The following MN1 variants were observed in gnomAD, a reference collection of about 807,000 sequenced individuals.
The protein encoded by MN1 is MN1 proto-oncogene, transcriptional regulator, also known as transcriptional activator MN1.
MN1 carries 19 observed loss-of-function variants against 86.9 expected under a neutral mutation model. The observed-to-expected ratio is 0.22, with a 90% CI of 0.15 to 0.32. The LOEUF (loss-of-function observed/expected upper bound fraction) is 0.32, where lower values mean the gene tolerates loss of function less well. Ranked by LOEUF, MN1 falls within the 10% of genes least tolerant of loss-of-function variation. MN1 has a pLI of 1.00. For synonymous variants in MN1, 928 were observed against 849.6 expected (o/e 1.09, Z -1.60); for missense variants, 1,841 against 1,862.0 (o/e 0.99, Z 0.21).
Position 27,800,592 on chromosome 22 carries a change from C to T in MN1, c.-49G>A. Reference sequence around the variant, plus strand: ...TCAATAGGGCATGACAGCCGGCTCTCCGCGGCGCGCCTCCGGCCAGCTACT... The same window carrying T: ...TCAATAGGGCATGACAGCCGGCTCTTCGCGGCGCGCCTCCGGCCAGCTACT... On this transcript the variant is annotated 5_prime_UTR_variant, in exon 1 of 2. Transcript: ENST00000302326. 6.2e-7 allele frequency: 1 copy of T among 1,610,368 alleles called. No individual in the cohort carries two copies. The highest frequency in any genetic ancestry group is 1.1e-5 in the South Asian group (1 of 90,934).
chr22:27,798,921 C>CTGT lies in MN1; in HGVS notation c.1620_1622dup (p.Gln550dup). 1 of 1,538,220 alleles carries CTGT rather than the reference C, an allele frequency of 6.5e-7. No homozygotes were observed. Among genetic ancestry groups the CTGT allele is most frequent in the Non-Finnish European group, 8.8e-7 (1 of 1,135,706 alleles). On this transcript the variant is annotated inframe_insertion, in exon 1 of 2. Coordinates refer to ENST00000302326, the MANE Select transcript of MN1 (RefSeq NM_002430.3). ...GCTGCTGCTGCTGCTGTTGCTGTTG[C>CTGT]TGTTGCTGCTGCTGCTGCTGCTGTT...
rs1015032812 is a variant in MN1 at position 27,799,723 on chromosome 22, G to C, written c.821C>G (p.Ser274Trp). The change falls in exon 1 of 2, where the codon TCG becomes TGG. Residue 274 changes from serine to tryptophan, a missense_variant. Physicochemically the swap from Ser to Trp is radical, Grantham distance 177 (BLOSUM62 -3). Coordinates refer to ENST00000302326, the MANE Select transcript of MN1 (RefSeq NM_002430.3). ...CATGCCCGCAGCTCTGGGCATGGCC[G>C]AGGCGCCCGGGAAAGCGCCCCCAGG... ...QVPGGAFPGA[S>W]AMPRAAGMVG... 1 of 1,573,532 alleles carries C rather than the reference G, an allele frequency of 6.4e-7. No individual in the cohort carries two copies. Among genetic ancestry groups the C allele is most frequent in the Non-Finnish European group, 8.6e-7 (1 of 1,160,180 alleles).
At chr22:27,781,011 G>T (rs1489456987) in intron 1 of MN1, among the ~76,000 whole-genome samples, 2 of 152,022 alleles carry the variant, frequency 1.3e-5, no homozygotes, top group Non-Finnish European at 2.9e-5. Flanking sequence ...ACTGACTGCA[G>T]CCTCAACCTC....
chr22:27,801,396 G>A lies in MN1; in HGVS notation c.-853C>T, dbSNP rs1933439364. 1 of 212,708 alleles carries A rather than the reference G, an allele frequency of 4.7e-6. No individual in the cohort carries two copies. Among genetic ancestry groups the A allele is most frequent in the Non-Finnish European group, 9.6e-6 (1 of 104,710 alleles). The allele number at this position is 212,708 out of a possible 1,614,324, so 13.2% of individuals were successfully genotyped here. A position where few individuals can be genotyped will look rare whatever the true frequency, so the allele number is the denominator to read the frequency against. ...CTGCCGCTTCTGTTCTCCGCCGTTGGGTGTCTGAGTTCGCCGGAGTCTCCG... is the reference window on the plus strand; with the variant it reads ...CTGCCGCTTCTGTTCTCCGCCGTTGAGTGTCTGAGTTCGCCGGAGTCTCCG... On this transcript the variant is annotated 5_prime_UTR_variant, in exon 1 of 2. Coordinates refer to ENST00000302326, the MANE Select transcript of MN1 (RefSeq NM_002430.3).
intron 1 of MN1, among the ~76,000 whole-genome samples, chr22:27,752,200 G>A (rs1345279802): frequency 1.3e-5 from 2 of 152,128 alleles, no homozygotes; most frequent in Non-Finnish European, 2.9e-5. Flanking sequence ...TCTGAAAAGG[G>A]GAGTGTCCAC....
At position 27,748,653 on chromosome 22, in the gene MN1, T is replaced by C. The variant is rs1932721707; in HGVS notation, c.*2262A>G. The C allele has an allele frequency of 4.7e-6, 1 of 212,434 alleles. No individual in the cohort carries two copies. Among genetic ancestry groups the C allele is most frequent in the South Asian group, 1.9e-4 (1 of 5,348 alleles). The allele number at this position is 212,434 out of a possible 1,614,324, so 13.2% of individuals were successfully genotyped here. On this transcript the variant is annotated 3_prime_UTR_variant, in exon 2 of 2. Coordinates refer to ENST00000302326, the MANE Select transcript of MN1 (RefSeq NM_002430.3). The stretch of plus-strand genomic sequence containing the variant: ...TTTTATTCTTTCCATTAAACCAAAT[T>C]TAATGAAATAACATCCTTTTGCTTA...
Position 27,798,474 on chromosome 22 carries a change from G to T in MN1, c.2070C>A (p.Gly690=). The T allele has an allele frequency of 6.4e-7, 1 of 1,562,562 alleles. No individual in the cohort carries two copies. Among genetic ancestry groups the T allele is most frequent in the Admixed American group, 1.8e-5 (1 of 55,904 alleles). ...LQEPMRMPGE[G]HVPALPSPGL... is the part of the protein sequence containing the mutation. The stretch of plus-strand genomic sequence containing the variant: ...CCGGTGAAGGCAGCGCGGGCACGTG[G>T]CCCTCTCCGGGCATCCTCATCGGCT... The change falls in exon 1 of 2, where the codon GGC becomes GGA. Residue 690 remains glycine, a synonymous_variant. Transcript: ENST00000302326.
Position 27,800,183 on chromosome 22 carries a change from G to T in MN1, c.361C>A (p.Pro121Thr). Residue 121 changes from proline (P) to threonine (T), a missense_variant, in exon 1 of 2, where the codon CCG becomes ACG. Coordinates refer to ENST00000302326, the MANE Select transcript of MN1 (RefSeq NM_002430.3). ...TGCAGGCACGAGGCCCCGGGGTCCGGGCCACCGAAGTTGCCCCCAAAGTGG... is the reference window on the plus strand; with the variant it reads ...TGCAGGCACGAGGCCCCGGGGTCCGTGCCACCGAAGTTGCCCCCAAAGTGG... ...HPHFGGNFGG[P>T]DPGASCLHGG... 1 of 1,548,896 alleles carries T rather than the reference G, an allele frequency of 6.5e-7. No individual in the cohort carries two copies.
chr22:27,764,207 C>A (rs1304829121), intron 1 of MN1, among the ~76,000 whole-genome samples: 1 of 152,184 alleles, frequency 6.6e-6, no homozygotes, highest in Non-Finnish European at 1.5e-5. Context: ...TGCACCTCAT[C>A]CATCTAACCT....
At chr22:27,779,176 C>A (rs1200993788) in intron 1 of MN1, among the ~76,000 whole-genome samples, 4 of 152,112 alleles carry the variant, frequency 2.6e-5, no homozygotes, top group African/African-American at 9.7e-5. Flanking sequence ...TCCTCACCCC[C>A]TAGGCCTGGG....
At chr22:27,767,938 T>C (rs1932882709) in intron 1 of MN1, among the ~76,000 whole-genome samples, 1 of 152,114 alleles carries the variant, frequency 6.6e-6, no homozygotes, top group African/African-American at 2.4e-5. Context: ...GCAGGGACTG[T>C]TATTCCTTTT....
intron 1 of MN1, among the ~76,000 whole-genome samples, chr22:27,784,954 A>C (rs1045973038): frequency 6.6e-6 from 1 of 152,018 alleles, no homozygotes; most frequent in African/African-American, 2.4e-5. Context: ...AACAAATGGT[A>C]TGAGTCCCTT....
chr22:27,753,047 C>T (rs930676201), intron 1 of MN1, among the ~76,000 whole-genome samples: 2 of 152,256 alleles, frequency 1.3e-5, no homozygotes, highest in African/African-American at 2.4e-5. Context: ...CCATGACTAA[C>T]TGGGCTTGGG....
At chr22:27,769,314 G>A (rs1056744873) in intron 1 of MN1, among the ~76,000 whole-genome samples, 2 of 152,120 alleles carry the variant, frequency 1.3e-5, no homozygotes, top group African/African-American at 2.4e-5. Context: ...CAATCACAAA[G>A]AGTGGGAAAC....
chr22:27,782,346 C>T (rs1933065662), intron 1 of MN1, among the ~76,000 whole-genome samples: 1 of 152,216 alleles, frequency 6.6e-6, no homozygotes, highest in Non-Finnish European at 1.5e-5. Context: ...GACATTGTGA[C>T]ATTTACTGAG....
At chr22:27,788,769 C>T (rs914040428) in intron 1 of MN1, among the ~76,000 whole-genome samples, 1 of 152,108 alleles carries the variant, frequency 6.6e-6, no homozygotes, top group Non-Finnish European at 1.5e-5. Context: ...TGTCATCTCA[C>T]GTTCCAGGAG....
Position 27,798,912 on chromosome 22 carries a change from T to C in MN1, c.1632A>G (p.Gln544=), listed in dbSNP as rs530519178. The change falls in exon 1 of 2, where the codon CAA becomes CAG. Residue 544 remains glutamine, a synonymous_variant. Coordinates refer to ENST00000302326, the MANE Select transcript of MN1 (RefSeq NM_002430.3). The part of the protein sequence containing the change: ...QQQQQQQQQQ[Q]QQQQQQRQNA... The stretch of plus-strand genomic sequence containing the variant: ...TTTGGCGCTGCTGCTGCTGCTGCTG[T>C]TGCTGTTGCTGTTGCTGCTGCTGCT... 1.6e-4 allele frequency: 233 copies of C among 1,450,856 alleles called. 1 individual carries two copies. The highest frequency in any genetic ancestry group is 5.5e-4 in the African/African-American group (36 of 65,262). 89.9% of individuals were successfully genotyped at this position (1,450,856 alleles called of 1,614,324 possible). A position where few individuals can be genotyped will look rare whatever the true frequency, so the allele number is the denominator to read the frequency against.
At chr22:27,791,935 C>T (rs1311358245) in intron 1 of MN1, 1 of 152,250 alleles carries the variant, frequency 6.6e-6, no homozygotes, top group African/African-American at 2.4e-5. Flanking sequence ...TTGGCCCTTC[C>T]ACAGTGGGAA....
At chr22:27,793,112 A>C (rs1463463454) in intron 1 of MN1, among the ~76,000 whole-genome samples, 3 of 152,172 alleles carry the variant, frequency 2.0e-5, no homozygotes, top group Non-Finnish European at 4.4e-5. Flanking sequence ...ATGTATGTGA[A>C]AGAGTACTTC....
Sources: gnomAD v4.1 joint callset for allele counts (sites outside exome capture counted in the v4.1 genomes callset) on GRCh38, gnomAD v4.1.1 for gene constraint, MANE v1.5 for transcripts, NCBI Gene and HGNC (gene_info 2026-07-23, HGNC 2026-07-21) for gene names.